CFAP299: variants seen among roughly 807,000 people sequenced by gnomAD.
The protein encoded by CFAP299 is cilia- and flagella-associated protein 299.
A neutral mutation model predicts 27.0 loss-of-function variants in CFAP299; 21 were observed. The observed-to-expected ratio is 0.78, with a 90% confidence interval of 0.55 to 1.12. CFAP299 has a LOEUF of 1.12. Ranked by LOEUF, CFAP299 falls within the 50% of genes most tolerant of loss-of-function variation. The probability of loss-of-function intolerance (pLI) is 0.00; values close to 1 mark genes in which losing one functional copy is unlikely to be tolerated. For synonymous variants in CFAP299, 104 were observed against 98.1 expected (o/e 1.06, Z -0.36); for missense variants, 310 against 276.6 (o/e 1.12, Z -0.86).
At chr4:80,566,883 C>G (rs909996497) in intron 2 of CFAP299, among the ~76,000 whole-genome samples, 1 of 152,026 alleles carries the variant, frequency 6.6e-6, no homozygotes, top group African/African-American at 2.4e-5. Context: ...GCACCTTTAT[C>G]CCCTGAAAGT....
At chr4:80,414,073 T>TTC (rs34039313) in intron 2 of CFAP299, among the ~76,000 whole-genome samples, 93,662 of 125,722 alleles carry the variant, frequency 0.74, 33,922 homozygotes, top group Non-Finnish European at 0.8. Context: ...TCTTTTTTTT[T>TTC]TTTTTTTTTT....
intron 3 of CFAP299, among the ~76,000 whole-genome samples, chr4:80,735,264 A>C (rs1723784967): frequency 6.6e-6 from 1 of 152,148 alleles, no homozygotes; most frequent in Non-Finnish European, 1.5e-5. Flanking sequence ...GCATATAGAA[A>C]TGCTACCGGA....
intron 4 of CFAP299, among the ~76,000 whole-genome samples, chr4:80,912,188 G>A (rs1433231789): frequency 6.6e-6 from 1 of 152,160 alleles, no homozygotes; most frequent in South Asian, 2.1e-4. Context: ...AGAAAGCTAG[G>A]TGCAATGAAA....
intron 3 of CFAP299, among the ~76,000 whole-genome samples, chr4:80,684,466 C>T (rs1217476344): frequency 2.0e-5 from 3 of 152,052 alleles, no homozygotes; most frequent in African/African-American, 7.2e-5. Flanking sequence ...GGGGTTTCAC[C>T]GCGTTAGCCA....
At chr4:80,721,322 G>T (rs1722797093) in intron 3 of CFAP299, among the ~76,000 whole-genome samples, 1 of 152,164 alleles carries the variant, frequency 6.6e-6, no homozygotes, top group Non-Finnish European at 1.5e-5. Context: ...ACTACAGACT[G>T]CATGGCTTAA....
intron 3 of CFAP299, among the ~76,000 whole-genome samples, chr4:80,843,422 A>T (rs57814152): frequency 0.039 from 5,999 of 152,098 alleles, 212 homozygotes; most frequent in African/African-American, 0.1. Flanking sequence ...ATCCTTTTTA[A>T]GGCTGCATAG....
At chr4:80,388,607 C>T in intron 2 of CFAP299, 4 of 1,403,890 alleles carry the variant, frequency 2.8e-6, no homozygotes, top group Non-Finnish European at 4.0e-6. Flanking sequence ...CGCATTGACA[C>T]TCTGGCCTCT....
At chr4:80,723,319 A>G (rs1016113699) in intron 3 of CFAP299, among the ~76,000 whole-genome samples, 40 of 152,206 alleles carry the variant, frequency 2.6e-4, no homozygotes, top group African/African-American at 9.4e-4. Flanking sequence ...CATTATTTGC[A>G]ATAGCCCCAA....
At chr4:80,412,164 C>G (rs367762050) in intron 2 of CFAP299, among the ~76,000 whole-genome samples, 1 of 152,126 alleles carries the variant, frequency 6.6e-6, no homozygotes, top group East Asian at 1.9e-4. Context: ...TACTGTGCTT[C>G]CCTTCTGTTG....
intron 3 of CFAP299, among the ~76,000 whole-genome samples, chr4:80,654,177 CATT>C (rs1201994239): frequency 2.0e-5 from 3 of 152,078 alleles, no homozygotes; most frequent in African/African-American, 4.8e-5. Flanking sequence ...AGTAGCAATA[CATT>C]ATTGAATTCA....
intron 2 of CFAP299, among the ~76,000 whole-genome samples, chr4:80,507,315 A>G (rs992107374): frequency 6.6e-6 from 1 of 152,098 alleles, no homozygotes; most frequent in African/African-American, 2.4e-5. Context: ...AGAACATTCT[A>G]TGGGGGCGTC....
At chr4:80,623,917 G>A (rs1032295589) in intron 3 of CFAP299, among the ~76,000 whole-genome samples, 6 of 152,282 alleles carry the variant, frequency 3.9e-5, no homozygotes, top group Admixed American at 3.9e-4. Context: ...GTGGCAGGCA[G>A]TTCTCAGTGT....
At chr4:80,388,201 G>T in intron 2 of CFAP299, 2 of 694,664 alleles carry the variant, frequency 2.9e-6, no homozygotes, top group African/African-American at 1.8e-5. Flanking sequence ...AGGTGAGGTG[G>T]CTGGGCACAG....
chr4:80,417,209 C>A (rs978462123), intron 2 of CFAP299, among the ~76,000 whole-genome samples: 1 of 152,146 alleles, frequency 6.6e-6, no homozygotes, highest in Non-Finnish European at 1.5e-5. Flanking sequence ...TGATTTCTAG[C>A]ATGCTAATAC....
chr4:80,911,118 T>A (rs1437193166), intron 4 of CFAP299, among the ~76,000 whole-genome samples: 2 of 151,998 alleles, frequency 1.3e-5, no homozygotes, highest in African/African-American at 4.8e-5. Flanking sequence ...CTTCAAAGTA[T>A]TTAAATAAAA....
At chr4:80,356,718 G>A (rs1469755753) in intron 1 of CFAP299, among the ~76,000 whole-genome samples, 1 of 151,810 alleles carries the variant, frequency 6.6e-6, no homozygotes, top group Admixed American at 6.6e-5. Flanking sequence ...TTGCTTATCA[G>A]CCTAAGAAGC....
chr4:80,389,209 G>C (rs1187433950), intron 2 of CFAP299, among the ~76,000 whole-genome samples: 1 of 152,016 alleles, frequency 6.6e-6, no homozygotes, highest in Non-Finnish European at 1.5e-5. Context: ...AATTTATCTG[G>C]ATTGTCTTTT....
At chr4:80,356,108 G>GTT (rs36082083) in intron 1 of CFAP299, among the ~76,000 whole-genome samples, 1 of 148,658 alleles carries the variant, frequency 6.7e-6, no homozygotes, top group East Asian at 2.0e-4. Flanking sequence ...TTTCCCCATT[G>GTT]TTTTTTTTTT....
intron 3 of CFAP299, among the ~76,000 whole-genome samples, chr4:80,859,477 C>T (rs998509504): frequency 3.3e-5 from 5 of 151,326 alleles, no homozygotes. Context: ...TTATTTTGCT[C>T]GTTAGTTGAT....
Sources: allele counts gnomAD v4.1 joint callset (sites outside exome capture counted in the v4.1 genomes callset), GRCh38; gene constraint gnomAD v4.1.1; transcripts MANE v1.5; gene names NCBI Gene and HGNC (gene_info 2026-07-23, HGNC 2026-07-21).